Variants in RIMS1 observed in about 807,000 individuals in gnomAD.
RIMS1 encodes regulating synaptic membrane exocytosis protein 1.
In RIMS1, 83 loss-of-function variants were observed where a neutral mutation model predicts 214.1. The ratio of observed to expected loss-of-function variants is 0.39; its 90% confidence interval spans 0.32 to 0.47. RIMS1 has a LOEUF of 0.47. Ranked by LOEUF, RIMS1 falls within the 20% of genes least tolerant of loss-of-function variation. The pLI is 0.99. For synonymous variants in RIMS1, 793 were observed against 786.8 expected, an observed-to-expected ratio of 1.01 and a Z score of -0.13; for missense variants, 2,050 against 2,161.8, an observed-to-expected ratio of 0.95 and a Z score of 1.03.
At chr6:71,954,573 C>T (rs551078805) in intron 1 of RIMS1, among the ~76,000 whole-genome samples, 4 of 152,044 alleles carry the variant, frequency 2.6e-5, no homozygotes, top group African/African-American at 9.6e-5. Context: ...ATTTGACTTC[C>T]GTAGTTGTTT....
chr6:72,052,706 G>A (rs1825047194), intron 2 of RIMS1, among the ~76,000 whole-genome samples: 1 of 152,170 alleles, frequency 6.6e-6, no homozygotes, highest in African/African-American at 2.4e-5. Flanking sequence ...TTTAATGAGA[G>A]CTAAATGAGA....
At position 72,397,012 on chromosome 6, in the gene RIMS1, C is replaced by CAAATAAAT. The variant is rs530605359; in HGVS notation, c.4619-1221_4619-1214dup. Among the ~76,000 whole-genome samples the CAAATAAAT allele has an allele frequency of 2.7e-3, 412 of 151,320 alleles. 1 individual carries two copies. The highest frequency in any genetic ancestry group is 8.8e-3 in the African/African-American group (361 of 41,140). ...TGGACGACAGAGCAAGCCTCTGTCT[C>CAAATAAAT]AAATAAATAAATAAATAAATAAAGC... is the stretch of plus-strand genomic sequence containing the variant. On this transcript the variant is annotated intron_variant, in intron 31 of 33. Coordinates refer to ENST00000521978, the MANE Select transcript of RIMS1 (RefSeq NM_014989.7).
intron 2 of RIMS1, among the ~76,000 whole-genome samples, chr6:72,094,117 A>G (rs1056038660): frequency 5.4e-5 from 8 of 147,480 alleles, no homozygotes; most frequent in Admixed American, 3.5e-4. Context: ...TGTAAGTTGT[A>G]TGGACTTTTT....
intron 1 of RIMS1, among the ~76,000 whole-genome samples, chr6:71,943,868 G>A (rs1043521777): frequency 2.0e-5 from 3 of 152,066 alleles, no homozygotes; most frequent in African/African-American, 7.2e-5. Flanking sequence ...AGTCTTTAAT[G>A]GCTTCAGTCT....
At chr6:72,217,007 A>G (rs1171022041) in intron 6 of RIMS1, 1 of 1,411,880 alleles carries the variant, frequency 7.1e-7, no homozygotes. Flanking sequence ...ACTGTTGTAT[A>G]ATGTTGGACA....
Position 72,015,080 on chromosome 6 carries a change from CAAG to C in RIMS1, c.245+46018_245+46020del, listed in dbSNP as rs780027585. ...TTATTTTGGAATATTTGCATATAGA[CAAG>C]GAGATACCTTGGGGATGGGATGAAA... is the stretch of plus-strand genomic sequence containing the variant. On this transcript the variant is annotated intron_variant, in intron 2 of 33. Transcript: ENST00000521978. Among the ~76,000 whole-genome samples, 16 of 152,086 alleles carry C rather than the reference CAAG, an allele frequency of 1.1e-4. No homozygotes were observed. The East Asian group carries it at 1.9e-3, about 18-fold the overall frequency.
At chr6:71,892,814 C>T (rs1403555236) in intron 1 of RIMS1, among the ~76,000 whole-genome samples, 1 of 151,982 alleles carries the variant, frequency 6.6e-6, no homozygotes, top group Non-Finnish European at 1.5e-5. Flanking sequence ...TGCTTACAGC[C>T]CAATGTTGGC....
chr6:72,364,129 TTAAAA>T (rs1286734021), intron 29 of RIMS1, among the ~76,000 whole-genome samples: 1 of 152,226 alleles, frequency 6.6e-6, no homozygotes, highest in African/African-American at 2.4e-5. Context: ...TTTACTTCTA[TTAAAA>T]TAACTCTATT....
At chr6:72,076,976 C>T (rs1832052909) in intron 2 of RIMS1, among the ~76,000 whole-genome samples, 1 of 152,184 alleles carries the variant, frequency 6.6e-6, no homozygotes, top group Non-Finnish European at 1.5e-5. Flanking sequence ...AAAAAATTCC[C>T]TCCATGGTTC....
At chr6:71,918,824 C>T (rs375546759) in intron 1 of RIMS1, among the ~76,000 whole-genome samples, 61 of 152,190 alleles carry the variant, frequency 4.0e-4, no homozygotes, top group African/African-American at 1.1e-3. Flanking sequence ...TAAATGGGTA[C>T]AGACCAGGAG....
chr6:72,057,553 G>A (rs1438784123), intron 2 of RIMS1, among the ~76,000 whole-genome samples: 1 of 148,690 alleles, frequency 6.7e-6, no homozygotes, highest in Admixed American at 6.8e-5. Context: ...TGTTGCCCAG[G>A]CTGGAGTGCA....
Position 72,155,348 on chromosome 6 carries a change from T to C in RIMS1, c.472-24227T>C, listed in dbSNP as rs565151856. On this transcript the variant is annotated intron_variant, in intron 4 of 33. Transcript: ENST00000521978. ...GAATGCTTTGCTGCTTAGAAATTTC[T>C]TCCTCCAGATACCCTAAATCATCTC... Among the ~76,000 whole-genome samples the C allele has an allele frequency of 1.4e-4, 20 of 140,822 alleles. 2 individuals are homozygous for C. The highest frequency in any genetic ancestry group is 4.7e-4 in the African/African-American group (19 of 40,728). The allele number at this position is 140,822 out of a possible 152,430, so 92.4% of individuals were successfully genotyped here.
chr6:72,320,893 T>C (rs1226625270), intron 28 of RIMS1, among the ~76,000 whole-genome samples: 1 of 152,080 alleles, frequency 6.6e-6, no homozygotes, highest in Non-Finnish European at 1.5e-5. Flanking sequence ...ATAGTAAAAT[T>C]TTTAAAGTAT....
chr6:72,343,492 CTTTTTTTTTT>C (rs764125827), intron 29 of RIMS1, among the ~76,000 whole-genome samples: 1 of 57,270 alleles, frequency 1.7e-5, no homozygotes, highest in Non-Finnish European at 2.9e-5. Flanking sequence ...TCTTCTTCTT[CTTTTTTTTTT>C]TTTTTTTTTT....
At chr6:72,235,968 T>C (rs2063860502) in intron 8 of RIMS1, among the ~76,000 whole-genome samples, 1 of 152,166 alleles carries the variant, frequency 6.6e-6, no homozygotes, top group South Asian at 2.1e-4. Flanking sequence ...GCATAGGTAA[T>C]GTGGACTTTT....
intron 6 of RIMS1, among the ~76,000 whole-genome samples, chr6:72,190,863 C>T (rs1326475878): frequency 6.6e-6 from 1 of 152,146 alleles, no homozygotes; most frequent in African/African-American, 2.4e-5. Context: ...GGTGACTTGA[C>T]CCATGGTCAA....
intron 1 of RIMS1, among the ~76,000 whole-genome samples, chr6:71,933,020 C>A (rs1783509635): frequency 1.3e-5 from 2 of 152,086 alleles, no homozygotes; most frequent in African/African-American, 2.4e-5. Flanking sequence ...TGACAATAAT[C>A]CATCCCATCA....
intron 2 of RIMS1, among the ~76,000 whole-genome samples, chr6:71,974,758 A>G (rs1346248180): frequency 6.6e-6 from 1 of 152,258 alleles, no homozygotes; most frequent in African/African-American, 2.4e-5. Flanking sequence ...GTTTACACAC[A>G]GCATTAGATT....
chr6:72,278,646 C>A (rs755693534), intron 23 of RIMS1, among the ~76,000 whole-genome samples: 70 of 151,916 alleles, frequency 4.6e-4, no homozygotes, highest in Admixed American at 6.6e-5. Flanking sequence ...ATTATCTGTG[C>A]TTTTCAAAAA....
Sources: gnomAD v4.1 joint callset for allele counts (sites outside exome capture counted in the v4.1 genomes callset) on GRCh38, gnomAD v4.1.1 for gene constraint, MANE v1.5 for transcripts, NCBI Gene and HGNC (gene_info 2026-07-23, HGNC 2026-07-21) for gene names.